Variants in SGCZ observed in about 807,000 individuals in gnomAD.
The protein encoded by SGCZ is sarcoglycan zeta, also known as zeta-sarcoglycan.
Under a neutral mutation model 41.3 loss-of-function variants are expected in SGCZ, and 40 were observed. That is an observed-to-expected ratio of 0.97 (90% CI 0.75 to 1.26). SGCZ has a LOEUF of 1.26. SGCZ is among the 50% of genes most tolerant of loss of function. The pLI is 0.00. For synonymous variants in SGCZ, 206 were observed against 137.5 expected (o/e 1.50, Z -3.49); for missense variants, 552 against 369.8 (o/e 1.49, Z -4.04).
intron 3 of SGCZ, among the ~76,000 whole-genome samples, chr8:14,279,156 T>C (rs752642279): frequency 1.3e-5 from 2 of 152,024 alleles, no homozygotes; most frequent in Non-Finnish European, 2.9e-5. Context: ...TGCCAGCACT[T>C]TATTAAGAAG....
intron 1 of SGCZ, among the ~76,000 whole-genome samples, chr8:15,009,802 T>C (rs543259987): frequency 1.3e-5 from 2 of 152,222 alleles, no homozygotes; most frequent in East Asian, 1.9e-4. Context: ...ATTTCTCATA[T>C]GGATAAGCCT....
At chr8:14,765,264 T>C (rs1182845875) in intron 1 of SGCZ, among the ~76,000 whole-genome samples, 2 of 152,210 alleles carry the variant, frequency 1.3e-5, no homozygotes, top group Non-Finnish European at 2.9e-5. Flanking sequence ...AGCTGAAATA[T>C]ATTTAATAAC....
intron 1 of SGCZ, among the ~76,000 whole-genome samples, chr8:15,191,044 T>G (rs528288079): frequency 6.6e-6 from 1 of 152,146 alleles, no homozygotes; most frequent in African/African-American, 2.4e-5. Context: ...AAGAATACAG[T>G]GTCAAAAAAT....
At chr8:15,025,654 C>T (rs150550237) in intron 1 of SGCZ, among the ~76,000 whole-genome samples, 1 of 152,270 alleles carries the variant, frequency 6.6e-6, no homozygotes, top group African/African-American at 2.4e-5. Flanking sequence ...GTAGGACTTA[C>T]ATCCAAGAAA....
intron 1 of SGCZ, among the ~76,000 whole-genome samples, chr8:15,100,685 T>A (rs1193818219): frequency 6.6e-6 from 1 of 152,148 alleles, no homozygotes; most frequent in African/African-American, 2.4e-5. Context: ...ACTACTTAAC[T>A]TCAAGACTTA....
At chr8:14,469,305 T>C (rs1324023601) in intron 2 of SGCZ, among the ~76,000 whole-genome samples, 2 of 152,148 alleles carry the variant, frequency 1.3e-5, no homozygotes, top group Admixed American at 1.3e-4. Flanking sequence ...TTTTCCTATT[T>C]AACTTTTACT....
At chr8:14,496,699 T>A (rs1213542993) in intron 2 of SGCZ, among the ~76,000 whole-genome samples, 2 of 152,290 alleles carry the variant, frequency 1.3e-5, no homozygotes, top group East Asian at 3.9e-4. Context: ...TGGTTTTACT[T>A]ATTTATTTAA....
chr8:14,247,138 A>G (rs1799126014), intron 3 of SGCZ, among the ~76,000 whole-genome samples: 1 of 152,092 alleles, frequency 6.6e-6, no homozygotes, highest in African/African-American at 2.4e-5. Context: ...AATCAACTTT[A>G]TGCATTTCTA....
intron 1 of SGCZ, among the ~76,000 whole-genome samples, chr8:15,144,324 G>A (rs749296796): frequency 7.9e-5 from 12 of 152,092 alleles, no homozygotes; most frequent in Admixed American, 2.0e-4. Context: ...AAGCTCTACA[G>A]CTTCTGTGTT....
At chr8:15,132,141 A>AT (rs1807930143) in intron 1 of SGCZ, among the ~76,000 whole-genome samples, 1 of 152,250 alleles carries the variant, frequency 6.6e-6, no homozygotes, top group African/African-American at 2.4e-5. Flanking sequence ...TCTTGCTATT[A>AT]TTTTTTTCAT....
At chr8:14,786,795 A>G (rs1800779884) in intron 1 of SGCZ, among the ~76,000 whole-genome samples, 1 of 151,966 alleles carries the variant, frequency 6.6e-6, no homozygotes, top group Admixed American at 6.6e-5. Flanking sequence ...GAGGAGCTAA[A>G]GATCCCATGT....
chr8:14,186,227 G>A (rs1804897642), intron 4 of SGCZ, among the ~76,000 whole-genome samples: 1 of 152,178 alleles, frequency 6.6e-6, no homozygotes, highest in Admixed American at 6.5e-5. Context: ...ACAATTTAAT[G>A]TTTCAGGAAA....
intron 4 of SGCZ, among the ~76,000 whole-genome samples, chr8:14,189,054 T>G (rs1805007274): frequency 6.7e-6 from 1 of 148,360 alleles, no homozygotes; most frequent in African/African-American, 2.5e-5. Flanking sequence ...AGATGGGGTT[T>G]TACTATGTTG....
intron 3 of SGCZ, among the ~76,000 whole-genome samples, chr8:14,314,777 C>A (rs1338583501): frequency 4.0e-5 from 6 of 151,862 alleles, no homozygotes; most frequent in Non-Finnish European, 8.8e-5. Context: ...TTTAGTGGAC[C>A]CAGTTAAAGA....
At chr8:14,381,785 CA>C (rs557822815) in intron 2 of SGCZ, among the ~76,000 whole-genome samples, 10 of 140,244 alleles carry the variant, frequency 7.1e-5, no homozygotes, top group Non-Finnish European at 9.4e-5. Context: ...GACCCTGTCT[CA>C]AAAAAAAAAC....
intron 2 of SGCZ, among the ~76,000 whole-genome samples, chr8:14,448,546 C>T (rs1295161227): frequency 6.6e-6 from 1 of 152,128 alleles, no homozygotes; most frequent in Non-Finnish European, 1.5e-5. Context: ...TAACAAAAAT[C>T]ATCTATTTGG....
At chr8:14,803,674 G>C in intron 1 of SGCZ, among the ~76,000 whole-genome samples, 1 of 152,030 alleles carries the variant, frequency 6.6e-6, no homozygotes, top group Non-Finnish European at 1.5e-5. Flanking sequence ...CATTGCCCAG[G>C]CTTGCTTAGG....
intron 1 of SGCZ, among the ~76,000 whole-genome samples, chr8:14,977,796 T>C (rs563856757): frequency 6.6e-6 from 1 of 152,104 alleles, no homozygotes; most frequent in Non-Finnish European, 1.5e-5. Context: ...CAAAAAGCTA[T>C]CTATGATTTT....
Position 14,126,199 on chromosome 8 carries a change from C to T in SGCZ, c.548-17964G>A, listed in dbSNP as rs141247582. Among the ~76,000 whole-genome samples, 92 of 152,290 alleles carry T rather than the reference C, an allele frequency of 6.0e-4. 1 individual carries two copies. The highest frequency in any genetic ancestry group is 2.1e-3 in the African/African-American group (87 of 41,566). ...ATCATCAGAGTGAACAGGCAACCTA[C>T]AGAATGGGAGAAAATATTTGCAATC... On this transcript the variant is annotated intron_variant, in intron 5 of 7. Coordinates refer to ENST00000382080, the MANE Select transcript of SGCZ (RefSeq NM_139167.4).
Sources: gnomAD v4.1 joint callset for allele counts (sites outside exome capture counted in the v4.1 genomes callset) on GRCh38, gnomAD v4.1.1 for gene constraint, MANE v1.5 for transcripts, NCBI Gene and HGNC (gene_info 2026-07-23, HGNC 2026-07-21) for gene names.